MTRF1: variants seen among roughly 807,000 people sequenced by gnomAD.
MTRF1 encodes peptide chain release factor 1, mitochondrial.
A neutral mutation model predicts 62.9 loss-of-function variants in MTRF1; 51 were observed. The ratio of observed to expected loss-of-function variants is 0.81; its 90% CI spans 0.65 to 1.02. The LOEUF is 1.02. MTRF1 is among the 50% of genes least tolerant of loss of function. MTRF1 has a pLI of 0.00. For missense variants in MTRF1, 446 were observed against 530.0 expected, an observed-to-expected ratio of 0.84 and a Z score of 1.56; for synonymous variants, 158 against 181.9, an observed-to-expected ratio of 0.87 and a Z score of 1.06.
chr13:41,240,514 C>A, intron 5 of MTRF1, 81 bp from the exon 6 acceptor site: 1 of 1,352,904 alleles, frequency 7.4e-7, no homozygotes, highest in Non-Finnish European at 1.0e-6. Context: ...AATCTAAGGC[C>A]TGAATGTTGA....
chr13:41,287,954 A>T, the MTRF1 span: 1 of 411,174 alleles, frequency 2.4e-6, no homozygotes, highest in Non-Finnish European at 4.8e-6. Flanking sequence ...TCGTGTCTTT[A>T]ACAACATTAA....
At chr13:41,290,089 CTTTTTTTTTT>C in the MTRF1 span, among the ~76,000 whole-genome samples, 4 of 78,498 alleles carry the variant, frequency 5.1e-5, no homozygotes, top group Non-Finnish European at 9.4e-5. Context: ...TGTAATAGTT[CTTTTTTTTTT>C]TTTTTTTTTT....
chr13:41,277,196 A>C, the MTRF1 span, among the ~76,000 whole-genome samples: 1 of 151,012 alleles, frequency 6.6e-6, no homozygotes, highest in South Asian at 2.1e-4. Flanking sequence ...CAGTGGTGCA[A>C]TTTTTGGCTC....
the MTRF1 span, among the ~76,000 whole-genome samples, chr13:41,285,730 C>A: frequency 2.0e-5 from 3 of 152,028 alleles, no homozygotes; most frequent in Non-Finnish European, 4.4e-5. Flanking sequence ...GAGAGACAAC[C>A]TTTTCCTTTC....
the MTRF1 span, among the ~76,000 whole-genome samples, chr13:41,308,232 A>C: frequency 6.6e-6 from 1 of 152,188 alleles, no homozygotes; most frequent in African/African-American, 2.4e-5. Context: ...CATAAAAGAT[A>C]ATCGTTCCTT....
At chr13:41,265,583 C>T (rs1249460096), upstream of MTRF1, among the ~76,000 whole-genome samples, 1 of 152,184 alleles carries the variant, frequency 6.6e-6, no homozygotes. Flanking sequence ...TGATTAAGGT[C>T]AGATGAGGTC....
At chr13:41,237,306 C>G (rs55817274) in intron 6 of MTRF1, among the ~76,000 whole-genome samples, 6,814 of 148,406 alleles carry the variant, frequency 0.046, 228 homozygotes, top group Middle Eastern at 0.096. Context: ...AGCAAGATAA[C>G]TCTATGGTTT....
At chr13:41,255,268 A>G (rs1360762153) in intron 2 of MTRF1, among the ~76,000 whole-genome samples, 1 of 151,994 alleles carries the variant, frequency 6.6e-6, no homozygotes, top group Non-Finnish European at 1.5e-5. Flanking sequence ...TGGAGTAGCT[A>G]TTCTCAGATG....
At chr13:41,278,742 T>C in the MTRF1 span, among the ~76,000 whole-genome samples, 8 of 152,196 alleles carry the variant, frequency 5.3e-5, no homozygotes, top group East Asian at 1.9e-4. Context: ...GAAGAACTAA[T>C]AAGCCATCTT....
the MTRF1 span, among the ~76,000 whole-genome samples, chr13:41,290,529 G>A: frequency 6.6e-6 from 1 of 150,990 alleles, no homozygotes; most frequent in East Asian, 2.0e-4. Flanking sequence ...CAAGTAGCTG[G>A]GACTACAGGC....
the MTRF1 span, among the ~76,000 whole-genome samples, chr13:41,291,008 A>T: frequency 5.3e-5 from 8 of 151,490 alleles, no homozygotes; most frequent in Admixed American, 4.6e-4. Context: ...AGGCAGGAGA[A>T]TTGTTTGAAC....
the MTRF1 span, among the ~76,000 whole-genome samples, chr13:41,289,162 C>G: frequency 1.3e-5 from 2 of 151,658 alleles, no homozygotes; most frequent in South Asian, 4.2e-4. Context: ...GAAGTGTTGT[C>G]TTCTCTTATT....
intron 5 of MTRF1, among the ~76,000 whole-genome samples, chr13:41,244,252 C>T (rs2037935656): frequency 6.6e-6 from 1 of 152,286 alleles, no homozygotes; most frequent in South Asian, 2.1e-4. Flanking sequence ...CTCTCTCTGG[C>T]ACAAAGTGTT....
chr13:41,276,901 C>T, the MTRF1 span, among the ~76,000 whole-genome samples: 145 of 152,248 alleles, frequency 9.5e-4, 2 homozygotes, highest in Middle Eastern at 0.02. Flanking sequence ...ACACCCATAG[C>T]TCCACCTGGA....
the MTRF1 span, among the ~76,000 whole-genome samples, chr13:41,273,792 G>A: frequency 2.3e-4 from 35 of 152,172 alleles, no homozygotes; most frequent in East Asian, 7.7e-4. Context: ...AGCCAAGATC[G>A]CACCATTGCA....
chr13:41,292,381 G>A, the MTRF1 span, among the ~76,000 whole-genome samples: 10 of 151,920 alleles, frequency 6.6e-5, no homozygotes, highest in Admixed American at 4.6e-4. Context: ...TCAGGAGATC[G>A]AGACCATCCT....
At chr13:41,248,177 A>C (rs1211992026) in intron 5 of MTRF1, among the ~76,000 whole-genome samples, 1 of 152,098 alleles carries the variant, frequency 6.6e-6, no homozygotes, top group East Asian at 1.9e-4. Context: ...AAGTCTGGAA[A>C]CTGGTGCGAT....
chr13:41,298,862 A>G, the MTRF1 span, among the ~76,000 whole-genome samples: 4 of 152,108 alleles, frequency 2.6e-5, no homozygotes. Context: ...AGGGAGGTAA[A>G]TCTGGACAAG....
chr13:41,260,375 C>CT, intron 2 of MTRF1, 118 bp downstream of exon 2: 1 of 1,025,984 alleles, frequency 9.7e-7, no homozygotes, highest in South Asian at 1.7e-5. Context: ...AAAACAAAGA[C>CT]TAAGTTCAAT....
Sources: gnomAD v4.1 joint callset for allele counts (sites outside exome capture counted in the v4.1 genomes callset) on GRCh38, gnomAD v4.1.1 for gene constraint, MANE v1.5 for transcripts, NCBI Gene and HGNC (gene_info 2026-07-23, HGNC 2026-07-21) for gene names.